The following FREM3 variants were observed in gnomAD, a reference collection of about 807,000 sequenced individuals.
The protein encoded by FREM3 is FRAS1 related extracellular matrix 3.
A neutral mutation model predicts 129.1 loss-of-function variants in FREM3; 105 were observed. That is an observed-to-expected ratio of 0.81 (90% CI 0.69 to 0.96). The LOEUF is 0.96. Ranked by LOEUF, FREM3 falls within the 40% of genes least tolerant of loss-of-function variation. FREM3 has a pLI of 0.00. For synonymous variants in FREM3, 1,014 were observed against 1,044.9 expected (o/e 0.97, Z 0.57); for missense variants, 2,593 against 2,666.3 (o/e 0.97, Z 0.61).
chr4:143,668,945 C>T (rs1045680907), intron 2 of FREM3, among the ~76,000 whole-genome samples: 1 of 152,194 alleles, frequency 6.6e-6, no homozygotes. Flanking sequence ...AGAAAGCAAT[C>T]TGTAGGTAGT....
Position 143,697,659 on chromosome 4 carries a change from C to T in FREM3, c.3017G>A (p.Arg1006Gln), listed in dbSNP as rs922764958. ...ATTGATGAGATCCTCTTGGGTGAAT[C>T]GTTCTGTGGGCAAACCATTTACCAG... Reference protein sequence around the residue: ...TILVNGLPTERFTQEDLINGR... With the variant: ...TILVNGLPTEQFTQEDLINGR... Residue 1006 changes from arginine (R) to glutamine (Q), a missense_variant, in exon 1 of 8, where the codon CGA (arginine) becomes CAA (glutamine). Transcript: ENST00000329798. 3.9e-6 allele frequency: 6 copies of T among 1,537,722 alleles called. No homozygotes were observed. Among genetic ancestry groups the T allele is most frequent in the East Asian group, 4.9e-5 (2 of 40,918 alleles).
Position 143,699,635 on chromosome 4 carries a change from C to G in FREM3, c.1041G>C (p.Leu347=). Residue 347 remains leucine, a synonymous_variant, in exon 1 of 8, where the codon CTG becomes CTC. Transcript: ENST00000329798. The surrounding 1 kb of genome is among the most constrained non-coding windows in gnomAD (Gnocchi z 4.2). ...GCCCTGGTGGGTGAGTGGGGGCGTT[C>G]AGAATGTTGAACACCAGGTCACCAG... ...SDPGDLVFNI[L]NAPTHPPGHP... is the part of the protein sequence containing the mutation. 1 of 1,530,328 alleles carries G rather than the reference C, an allele frequency of 6.5e-7. No individual in the cohort carries two copies. The highest frequency in any genetic ancestry group is 8.8e-7 in the Non-Finnish European group (1 of 1,142,568). The allele number at this position is 1,530,328 out of a possible 1,614,324, so 94.8% of individuals were successfully genotyped here.
At chr4:143,604,150 A>G (rs556341759) in intron 6 of FREM3, among the ~76,000 whole-genome samples, 1 of 152,222 alleles carries the variant, frequency 6.6e-6, no homozygotes, top group Non-Finnish European at 1.5e-5. Flanking sequence ...CTCTCTTGCC[A>G]TGTGATCTGC....
At chr4:143,677,452 C>G (rs1456005610) in intron 2 of FREM3, among the ~76,000 whole-genome samples, 1 of 152,126 alleles carries the variant, frequency 6.6e-6, no homozygotes, top group African/African-American at 2.4e-5. Flanking sequence ...AGAAGAAAAC[C>G]TAGGCAATAC....
At position 143,700,201 on chromosome 4, in the gene FREM3, C is replaced by A; in HGVS notation, c.475G>T (p.Ala159Ser). ...THTLVLPFTL[A>S]VDLVFSQLEL... ...AGCTGGGAGAAGACCAAGTCCACCG[C>A]CAGCGTGAAGGGCAGCACCAGAGTG... The change falls in exon 1 of 8, where the codon GCG (alanine) becomes TCG (serine). Residue 159 changes from alanine to serine, a missense_variant. Coordinates refer to ENST00000329798, the MANE Select transcript of FREM3 (RefSeq NM_001168235.2). 2.6e-6 allele frequency: 4 copies of A among 1,536,990 alleles called. No homozygotes were observed. Among genetic ancestry groups the A allele is most frequent in the Middle Eastern group, 1.7e-4 (1 of 5,992 alleles).
rs115502109 is a variant in FREM3 at position 143,650,454 on chromosome 4, C to T, written c.5276-22694G>A. Among the ~76,000 whole-genome samples the T allele has an allele frequency of 8.7e-4, 133 of 152,270 alleles. 1 individual carries two copies. Among genetic ancestry groups the T allele is most frequent in the African/African-American group, 2.9e-3 (119 of 41,546 alleles). On this transcript the variant is annotated intron_variant, in intron 2 of 7. Transcript: ENST00000329798. ...CTAAACCCTCACCAGGCCCAGTTGA[C>T]GAGTCTTCTGTGAATGGTGAACATG...
intron 3 of FREM3, among the ~76,000 whole-genome samples, chr4:143,626,850 G>A (rs554680369): frequency 2.0e-4 from 30 of 152,138 alleles, no homozygotes; most frequent in African/African-American, 7.0e-4. Flanking sequence ...ATACTGCCTC[G>A]GCTCTGAGTG....
intron 2 of FREM3, among the ~76,000 whole-genome samples, chr4:143,666,797 T>A (rs751979885): frequency 2.0e-5 from 3 of 151,114 alleles, no homozygotes; most frequent in East Asian, 1.9e-4. Context: ...AAAACAGTAA[T>A]GATAGTTGCA....
chr4:143,673,601 CA>C (rs2149856467), intron 2 of FREM3, among the ~76,000 whole-genome samples: 1 of 152,284 alleles, frequency 6.6e-6, no homozygotes, highest in East Asian at 1.9e-4. Context: ...CTAGGAGAAC[CA>C]CTACTCTCTT....
chr4:143,663,046 C>G (rs6838710), intron 2 of FREM3, among the ~76,000 whole-genome samples: 82,535 of 151,882 alleles, frequency 0.54, 23,506 homozygotes, highest in East Asian at 0.71. Context: ...CGATTTGCCA[C>G]TCTGCGTCTT....
chr4:143,677,124 G>A (rs1336339229), intron 2 of FREM3, among the ~76,000 whole-genome samples: 28 of 152,236 alleles, frequency 1.8e-4, no homozygotes, highest in African/African-American at 5.1e-4. Context: ...GAGGCATCAC[G>A]CTACCTGACT....
chr4:143,662,875 A>C (rs1739764587), intron 2 of FREM3, among the ~76,000 whole-genome samples: 1 of 151,978 alleles, frequency 6.6e-6, no homozygotes, highest in Non-Finnish European at 1.5e-5. Flanking sequence ...GTTGGTTTAA[A>C]GTGTGTTTTA....
intron 2 of FREM3, among the ~76,000 whole-genome samples, chr4:143,689,053 G>T (rs1740419100): frequency 6.6e-6 from 1 of 152,176 alleles, no homozygotes; most frequent in South Asian, 2.1e-4. Flanking sequence ...AAGAGCTTTT[G>T]CATGGCAAAA....
chr4:143,577,460 A>G lies in FREM3; in HGVS notation c.*151T>C. 2 of 695,998 alleles carry G rather than the reference A, an allele frequency of 2.9e-6. No homozygotes were observed. Among genetic ancestry groups the G allele is most frequent in the Non-Finnish European group, 4.7e-6 (2 of 428,182 alleles). The allele number at this position is 695,998 out of a possible 1,614,324, so 43.1% of individuals were successfully genotyped here. A position where few individuals can be genotyped will look rare whatever the true frequency, so the allele number is the denominator to read the frequency against. On this transcript the variant is annotated 3_prime_UTR_variant, in exon 8 of 8. Coordinates refer to ENST00000329798, the MANE Select transcript of FREM3 (RefSeq NM_001168235.2). ...TATATTTCTATCTCCATGCAGTCAT[A>G]TAAATTACATTTCCACATATCACCA...
intron 2 of FREM3, among the ~76,000 whole-genome samples, chr4:143,689,682 A>G (rs995778751): frequency 6.6e-6 from 1 of 152,122 alleles, no homozygotes; most frequent in Non-Finnish European, 1.5e-5. Flanking sequence ...ATATATATAT[A>G]TGATGGAATA....
intron 5 of FREM3, among the ~76,000 whole-genome samples, chr4:143,614,252 T>A (rs182110631): frequency 4.1e-4 from 63 of 152,314 alleles, no homozygotes; most frequent in African/African-American, 1.5e-3. Context: ...TTCTAGAAAA[T>A]TTACTTTGGG....
intron 2 of FREM3, among the ~76,000 whole-genome samples, chr4:143,677,044 T>G (rs1023237907): frequency 2.6e-5 from 4 of 152,146 alleles, no homozygotes; most frequent in Admixed American, 2.0e-4. Context: ...AAAAACTACT[T>G]TAAAGTTCAT....
intron 2 of FREM3, among the ~76,000 whole-genome samples, chr4:143,678,835 C>T (rs1027708655): frequency 6.6e-6 from 1 of 151,900 alleles, no homozygotes; most frequent in African/African-American, 2.4e-5. Flanking sequence ...TTAGGTAAAT[C>T]CATTTGTGCT....
intron 6 of FREM3, among the ~76,000 whole-genome samples, chr4:143,607,158 A>G (rs1738681644): frequency 6.6e-6 from 1 of 152,150 alleles, no homozygotes. Flanking sequence ...AGTTCTTCAT[A>G]AATGTAAAGC....
Sources: allele counts gnomAD v4.1 joint callset (sites outside exome capture counted in the v4.1 genomes callset), GRCh38; gene constraint gnomAD v4.1.1; non-coding constraint Gnocchi (gnomAD v3.1); transcripts MANE v1.5; gene names NCBI Gene and HGNC (gene_info 2026-07-23, HGNC 2026-07-21).